NCOR2: variants seen among roughly 807,000 people sequenced by gnomAD.
NCOR2 encodes nuclear receptor corepressor 2.
Under a neutral mutation model 262.9 loss-of-function variants are expected in NCOR2, and 81 were observed. That is an observed-to-expected ratio of 0.31 (90% CI 0.26 to 0.37). NCOR2 has a LOEUF of 0.37. Among genes scored for constraint, NCOR2 ranks in the 10% least tolerant of loss-of-function variants. The pLI is 1.00. For missense variants in NCOR2, 3,385 were observed against 3,621.4 expected, an observed-to-expected ratio of 0.93 and a Z score of 1.68; for synonymous variants, 1,659 against 1,559.3, an observed-to-expected ratio of 1.06 and a Z score of -1.51.
intron 11 of NCOR2, among the ~76,000 whole-genome samples, chr12:124,425,328 T>C (rs535687184): frequency 5.0e-4 from 76 of 152,014 alleles, no homozygotes; most frequent in African/African-American, 1.6e-3. Context: ...GAGCAGAGAT[T>C]GTGCCATTGT....
chr12:124,335,313 C>T, intron 39 of NCOR2, 33 bp from the exon 42 acceptor site: 12 of 1,542,416 alleles, frequency 7.8e-6, no homozygotes, highest in Non-Finnish European at 1.0e-5. Context: ...CAGGGGGTGT[C>T]TGCTGGCCCC....
At chr12:124,362,269 C>A in exon 22 of NCOR2, 1 of 1,313,558 alleles carries the variant, frequency 7.6e-7, no homozygotes, top group East Asian at 2.8e-5. Flanking sequence ...TGCGTCCTCC[C>A]GGGGGGGCTC....
intron 11 of NCOR2, among the ~76,000 whole-genome samples, chr12:124,423,195 T>G (rs150305452): frequency 0.03 from 4,498 of 152,004 alleles, 110 homozygotes; most frequent in Non-Finnish European, 0.041. Context: ...GGCTGAAATG[T>G]GAGGGCCAAA....
chr12:124,402,355 C>CG, intron 14 of NCOR2, 49 bp downstream of exon 16: 1 of 1,607,648 alleles, frequency 6.2e-7, no homozygotes, highest in Non-Finnish European at 8.5e-7. Flanking sequence ...GTGTGCCACC[C>CG]GGGTTGGGTC....
At chr12:124,347,136 C>T (rs749197897) in intron 30 of NCOR2, among the ~76,000 whole-genome samples, 51 of 152,206 alleles carry the variant, frequency 3.4e-4, no homozygotes, top group Admixed American at 5.2e-4. Flanking sequence ...TGGGGGGCTG[C>T]GGCAGGCAGA....
rs767895310 is a variant in NCOR2 at position 124,354,910 on chromosome 12, G to T, written c.3411C>A (p.Tyr1137Ter). The stretch of plus-strand genomic sequence containing the variant: ...CCACCGGGGCCTTGGCATGCTCTGA[G>T]TACGGGACGTGGAGCTGGACCGACA... Residue 1137 changes from tyrosine to a stop codon, truncating the protein, a stop_gained, in exon 25 of 47, where the codon TAC becomes TAA. Transcript: ENST00000405201. LOFTEE classifies it high-confidence loss of function. The T allele has an allele frequency of 6.2e-7, 1 of 1,612,698 alleles. No individual in the cohort carries two copies. Among genetic ancestry groups the T allele is most frequent in the Non-Finnish European group, 8.5e-7 (1 of 1,179,576 alleles).
At chr12:124,508,312 G>T (rs998227994) in intron 1 of NCOR2, among the ~76,000 whole-genome samples, 3 of 152,266 alleles carry the variant, frequency 2.0e-5, no homozygotes, top group Admixed American at 2.0e-4. Flanking sequence ...AATGTCTGAT[G>T]ACGGGACAGT....
At position 124,550,868 on chromosome 12, in the gene NCOR2, G is replaced by A. The variant is rs1399573184; in HGVS notation, c.-164-15257C>T. On this transcript the variant is annotated intron_variant, in intron 1 of 32. Transcript: ENST00000458234. ...GCAAATCCACTGGCCACGGCACCCA[G>A]GCACCCAGAGGTGCTCTCTAGAAAG... Among the ~76,000 whole-genome samples the A allele has an allele frequency of 2.0e-5, 3 of 152,278 alleles. No individual in the cohort carries two copies. The East Asian group carries it at 5.8e-4, about 29-fold the overall frequency.
chr12:124,372,345 C>G, exon 20 of NCOR2: 2 of 1,516,632 alleles, frequency 1.3e-6, no homozygotes, highest in Non-Finnish European at 1.8e-6. Flanking sequence ...CGGTCTCCTC[C>G]TCCTTCTCCT....
chr12:124,488,495 T>C (rs2047902077), intron 1 of NCOR2, among the ~76,000 whole-genome samples: 1 of 152,194 alleles, frequency 6.6e-6, no homozygotes, highest in Non-Finnish European at 1.5e-5. Flanking sequence ...CTCACCTCTC[T>C]GAGGGATTCC....
intron 1 of NCOR2, among the ~76,000 whole-genome samples, chr12:124,533,144 G>C (rs2050936597): frequency 1.3e-5 from 2 of 150,278 alleles, no homozygotes; most frequent in Admixed American, 1.3e-4. Context: ...TGAGGCCCAG[G>C]GCTTAGGGCC....
intron 19 of NCOR2, 90 bp from the exon 22 acceptor site, chr12:124,372,700 C>A: frequency 8.6e-7 from 1 of 1,169,494 alleles, no homozygotes; most frequent in Non-Finnish European, 1.2e-6. Context: ...GATGAGGCCG[C>A]TCTGTCGCCT....
At position 124,550,023 on chromosome 12, in the gene NCOR2, A is replaced by T. The variant is rs907209122; in HGVS notation, c.-164-14412T>A. Among the ~76,000 whole-genome samples the T allele has an allele frequency of 2.6e-5, 4 of 152,096 alleles. 1 individual carries two copies. Among genetic ancestry groups the T allele is most frequent in the African/African-American group, 9.7e-5 (4 of 41,414 alleles). On this transcript the variant is annotated intron_variant, in intron 1 of 32. Transcript: ENST00000458234. ...TCCTGTATCGCAGGGGTCTGGCGGG[A>T]GTGACTGTGACCCCCAGAGGACCGC...
At chr12:124,386,363 G>GGCCCA (rs2040808235) in intron 16 of NCOR2, among the ~76,000 whole-genome samples, 1 of 152,056 alleles carries the variant, frequency 6.6e-6, no homozygotes, top group Admixed American at 6.5e-5. Flanking sequence ...CGGCCACACC[G>GGCCCA]GCCCAGCGAA....
At chr12:124,466,966 T>A (rs549803717) in intron 4 of NCOR2, among the ~76,000 whole-genome samples, 8 of 150,838 alleles carry the variant, frequency 5.3e-5, no homozygotes, top group Non-Finnish European at 1.0e-4. Context: ...ATCCTCATCC[T>A]CATCACCCCC....
chr12:124,385,576 C>T (rs2040746032), intron 17 of NCOR2, among the ~76,000 whole-genome samples, 169 bp downstream of exon 19: 1 of 152,140 alleles, frequency 6.6e-6, no homozygotes, highest in Non-Finnish European at 1.5e-5. Flanking sequence ...CGCCTGCAGC[C>T]ATCTCGGGGT....
chr12:124,462,531 C>A (rs1433234101), intron 5 of NCOR2, among the ~76,000 whole-genome samples: 1 of 152,234 alleles, frequency 6.6e-6, no homozygotes, highest in Non-Finnish European at 1.5e-5. Flanking sequence ...AGGACGCGTG[C>A]AGCAGCCTCG....
chr12:124,351,005 C>A (rs750099004), intron 27 of NCOR2, among the ~76,000 whole-genome samples: 1 of 152,198 alleles, frequency 6.6e-6, no homozygotes, highest in Non-Finnish European at 1.5e-5. Flanking sequence ...CTCGAAACAA[C>A]CCTAAGACAA....
intron 1 of NCOR2, among the ~76,000 whole-genome samples, chr12:124,558,327 G>C (rs12369870): frequency 0.058 from 8,724 of 151,476 alleles, 300 homozygotes; most frequent in Middle Eastern, 0.089. Flanking sequence ...TGGGGAGCGA[G>C]CCAAGGGGAG....
Sources: gnomAD v4.1 joint callset for allele counts (sites outside exome capture counted in the v4.1 genomes callset) on GRCh38, gnomAD v4.1.1 for gene constraint, MANE v1.5 for transcripts, NCBI Gene and HGNC (gene_info 2026-07-23, HGNC 2026-07-21) for gene names.